Variants in FAM53A observed in about 807,000 individuals in gnomAD.
FAM53A encodes family with sequence similarity 53 member A.
FAM53A carries 28 observed loss-of-function variants against 26.6 expected under a neutral mutation model. The observed-to-expected ratio is 1.05, with a 90% CI of 0.78 to 1.45. FAM53A has a LOEUF of 1.45. FAM53A is among the 40% of genes most tolerant of loss of function. The pLI is 0.00. For synonymous variants in FAM53A, 290 were observed against 253.1 expected (o/e 1.15, Z -1.38); for missense variants, 650 against 575.8 (o/e 1.13, Z -1.32).
chr4:1,660,631 G>C (rs1211646785), intron 2 of FAM53A, among the ~76,000 whole-genome samples: 1 of 152,150 alleles, frequency 6.6e-6, no homozygotes, highest in African/African-American at 2.4e-5. Flanking sequence ...GCTCACGCCT[G>C]TAATCCCAGC....
chr4:1,684,858 G>T (rs1715713651), upstream of FAM53A, among the ~76,000 whole-genome samples: 1 of 152,248 alleles, frequency 6.6e-6, no homozygotes, highest in African/African-American at 2.4e-5. Flanking sequence ...AGGGCGGACC[G>T]TGCTGCAGGG....
intron 4 of FAM53A, among the ~76,000 whole-genome samples, chr4:1,653,768 T>A (rs1465936369): frequency 6.6e-6 from 1 of 152,242 alleles, no homozygotes; most frequent in African/African-American, 2.4e-5. Flanking sequence ...AAGCTCACGG[T>A]GCCCTCAGCG....
At chr4:1,669,316 C>T (rs1714467676) in intron 1 of FAM53A, among the ~76,000 whole-genome samples, 1 of 152,254 alleles carries the variant, frequency 6.6e-6, no homozygotes, top group Admixed American at 6.5e-5. Context: ...ACACCCCTCC[C>T]GCTCCCATGC....
chr4:1,676,730 G>A (rs1715069502), intron 1 of FAM53A, among the ~76,000 whole-genome samples: 1 of 152,114 alleles, frequency 6.6e-6, no homozygotes, highest in Non-Finnish European at 1.5e-5. Flanking sequence ...ATCATCTGCT[G>A]GCTTGAAGGC....
In FAM53A at chr4:1,655,063, C is replaced by T; in HGVS notation, c.797G>A (p.Ser266Asn). ...LRCRSQPCVL[S>N]GKRSRRKRRR... ...CCGTTTGCGCCGGCTCCTCTTCCCA[C>T]TGAGCACGCAAGGCTGTGAGCGGCA... Residue 266 changes from serine (S) to asparagine (N), a missense_variant, in exon 4 of 5, where the codon AGT becomes AAT. By Grantham distance (46) the Ser-to-Asn change is conservative. Coordinates refer to ENST00000308132, the MANE Select transcript of FAM53A (RefSeq NM_001174070.3). 1 of 1,599,658 alleles carries T rather than the reference C, an allele frequency of 6.3e-7. No individual in the cohort carries two copies. The highest frequency in any genetic ancestry group is 1.4e-5 in the African/African-American group (1 of 74,008).
chr4:1,653,916 C>G (rs1428974982), intron 4 of FAM53A, among the ~76,000 whole-genome samples: 1 of 152,226 alleles, frequency 6.6e-6, no homozygotes, highest in African/African-American at 2.4e-5. Flanking sequence ...ACTGTCCCCA[C>G]AGGATGCCCA....
At position 1,684,010 on chromosome 4, in the gene FAM53A, G is replaced by A. The variant is rs1163891468; in HGVS notation, c.-165+223C>T. ...CCGAACCACGGCGCGGGGCCACCAG[G>A]GCGGGCCTCGCCTCGTGCGGAAAAG... On this transcript the variant is annotated intron_variant, in intron 1 of 4. Transcript: ENST00000308132. 7.2e-5 allele frequency: 11 copies of A among 152,348 alleles called. No individual in the cohort carries two copies. In the East Asian group the frequency reaches 1.5e-3, roughly 21 times the overall value. The allele number at this position is 152,348 out of a possible 1,614,324, so 9.4% of individuals were successfully genotyped here.
At chr4:1,615,607 G>T (rs925174036), downstream of FAM53A, among the ~76,000 whole-genome samples, 1 of 147,566 alleles carries the variant, frequency 6.8e-6, no homozygotes, top group African/African-American at 2.6e-5. Flanking sequence ...GACAGGATGT[G>T]GCCACGCCCA....
intron 1 of FAM53A, among the ~76,000 whole-genome samples, chr4:1,677,884 G>A (rs1056488876): frequency 6.6e-6 from 1 of 152,182 alleles, no homozygotes; most frequent in African/African-American, 2.4e-5. Flanking sequence ...GGCAGAGGTC[G>A]CAATGAGCTG....
chr4:1,674,307 T>C (rs1400581470), intron 1 of FAM53A, among the ~76,000 whole-genome samples: 1 of 152,156 alleles, frequency 6.6e-6, no homozygotes, highest in Non-Finnish European at 1.5e-5. Flanking sequence ...TATCTCTTCT[T>C]ATAAGGACAC....
chr4:1,635,474 A>G (rs1193633886), downstream of FAM53A, among the ~76,000 whole-genome samples: 1 of 152,058 alleles, frequency 6.6e-6, no homozygotes, highest in Non-Finnish European at 1.5e-5. Context: ...AGGTCTTGCT[A>G]TGTTGCCCAG....
chr4:1,575,161 G>A, the FAM53A span, among the ~76,000 whole-genome samples: 6 of 152,310 alleles, frequency 3.9e-5, no homozygotes, highest in South Asian at 8.3e-4. Flanking sequence ...GGGGCCACCC[G>A]GCAGGGCTGA....
At chr4:1,651,486 C>T (rs1316238702) in intron 4 of FAM53A, among the ~76,000 whole-genome samples, 3 of 150,678 alleles carry the variant, frequency 2.0e-5, no homozygotes, top group African/African-American at 4.9e-5. Flanking sequence ...GACCGGAGAT[C>T]GTGCCACTGC....
At chr4:1,645,907 T>C (rs1332227265) in intron 4 of FAM53A, among the ~76,000 whole-genome samples, 1 of 152,174 alleles carries the variant, frequency 6.6e-6, no homozygotes, top group African/African-American at 2.4e-5. Flanking sequence ...TGGGAGTTGA[T>C]CAGGTCCTGC....
the FAM53A span, among the ~76,000 whole-genome samples, chr4:1,607,766 C>T: frequency 6.6e-6 from 1 of 152,144 alleles, no homozygotes; most frequent in Admixed American, 6.5e-5. Flanking sequence ...CATGGAGAAA[C>T]CATGTCTCTA....
the FAM53A span, among the ~76,000 whole-genome samples, chr4:1,608,315 G>A: frequency 3.3e-5 from 5 of 152,066 alleles, no homozygotes; most frequent in Non-Finnish European, 5.9e-5. Context: ...CCAGACCTCC[G>A]TGTAAACATG....
chr4:1,644,059 C>G, intron 4 of FAM53A: 1 of 1,279,348 alleles, frequency 7.8e-7, no homozygotes, highest in Non-Finnish European at 1.1e-6. Flanking sequence ...CGGGTCTCAC[C>G]AGCTCGGTCT....
the FAM53A span, among the ~76,000 whole-genome samples, chr4:1,581,665 T>C: frequency 1.3e-5 from 2 of 152,222 alleles, no homozygotes; most frequent in African/African-American, 2.4e-5. Flanking sequence ...GGGGCAGTCT[T>C]GGCTCACTGC....
chr4:1,595,651 C>G, the FAM53A span, among the ~76,000 whole-genome samples: 1 of 152,238 alleles, frequency 6.6e-6, no homozygotes, highest in East Asian at 1.9e-4. Flanking sequence ...CAAAGCCTGG[C>G]AGGACACTTG....
Sources: allele counts gnomAD v4.1 joint callset (sites outside exome capture counted in the v4.1 genomes callset), GRCh38; gene constraint gnomAD v4.1.1; transcripts MANE v1.5; gene names NCBI Gene and HGNC (gene_info 2026-07-23, HGNC 2026-07-21).